Variants in NALF1 observed in about 807,000 individuals in gnomAD.
The protein encoded by NALF1 is NALCN channel auxiliary factor 1.
NALF1 carries 3 observed loss-of-function variants against 48.4 expected under a neutral mutation model. The observed-to-expected ratio is 0.06, with a 90% CI of 0.03 to 0.16. NALF1 has a LOEUF of 0.16. Ranked by LOEUF, NALF1 falls within the 10% of genes least tolerant of loss-of-function variation. The pLI is 1.00. For synonymous variants in NALF1, 262 were observed against 245.7 expected, an observed-to-expected ratio of 1.07 and a Z score of -0.62; for missense variants, 526 against 571.5, an observed-to-expected ratio of 0.92 and a Z score of 0.81.
intron 1 of NALF1, among the ~76,000 whole-genome samples, chr13:107,488,031 T>C (rs1257986468): frequency 2.6e-5 from 4 of 152,082 alleles, no homozygotes; most frequent in Admixed American, 2.6e-4. Flanking sequence ...TATCAAATTC[T>C]TATAGATTTT....
chr13:107,228,642 C>T (rs1381904302), intron 1 of NALF1, among the ~76,000 whole-genome samples: 4 of 152,036 alleles, frequency 2.6e-5, no homozygotes, highest in Non-Finnish European at 5.9e-5. Context: ...TTTTTGGAGA[C>T]AGAGTCTCGC....
intron 1 of NALF1, among the ~76,000 whole-genome samples, chr13:107,428,870 G>A (rs1471537422): frequency 6.6e-6 from 1 of 152,062 alleles, no homozygotes; most frequent in African/African-American, 2.4e-5. Flanking sequence ...ACTATTTGAA[G>A]AACCTTCCAT....
chr13:107,347,626 G>A (rs1380425866), intron 1 of NALF1, among the ~76,000 whole-genome samples: 1 of 152,166 alleles, frequency 6.6e-6, no homozygotes, highest in African/African-American at 2.4e-5. Flanking sequence ...ACTGTGAATC[G>A]ATGATCCTAT....
At chr13:107,759,778 T>G (rs189886827) in intron 1 of NALF1, among the ~76,000 whole-genome samples, 1 of 152,056 alleles carries the variant, frequency 6.6e-6, no homozygotes, top group Non-Finnish European at 1.5e-5. Context: ...CTTTTTTTTT[T>G]TCTGGGACTT....
At chr13:107,384,647 A>G (rs181615451) in intron 1 of NALF1, among the ~76,000 whole-genome samples, 122 of 152,310 alleles carry the variant, frequency 8.0e-4, no homozygotes, top group African/African-American at 2.9e-3. Flanking sequence ...CTAATCAGGC[A>G]CAGATAACAT....
intron 1 of NALF1, among the ~76,000 whole-genome samples, chr13:107,701,598 A>C (rs1881821968): frequency 6.6e-6 from 1 of 152,108 alleles, no homozygotes; most frequent in African/African-American, 2.4e-5. Flanking sequence ...AAATGGGGAG[A>C]TAGATGTGGG....
intron 1 of NALF1, among the ~76,000 whole-genome samples, chr13:107,394,953 T>C (rs140325845): frequency 6.6e-6 from 1 of 152,300 alleles, no homozygotes; most frequent in East Asian, 1.9e-4. Flanking sequence ...GGCCCTCCAA[T>C]GGGGACATCC....
In NALF1 at chr13:107,565,957, A is replaced by G. The variant is rs140076264; in HGVS notation, c.915+299725T>C. Among the ~76,000 whole-genome samples the G allele has an allele frequency of 2.4e-3, 373 of 152,318 alleles. 2 individuals are homozygous for G. Among genetic ancestry groups the G allele is most frequent in the Non-Finnish European group, 4.2e-3 (287 of 68,020 alleles). On this transcript the variant is annotated intron_variant, in intron 1 of 2. Coordinates refer to ENST00000375915, the MANE Select transcript of NALF1 (RefSeq NM_001080396.3). ...GAAACGAAATGTTCCCAGTCCCCAA[A>G]GCAGTGTAACATATCACTGGCTAGA...
chr13:107,262,769 G>GCGCTCTCTCTCTCTCTCT (rs36027059), intron 1 of NALF1, among the ~76,000 whole-genome samples: 5 of 144,018 alleles, frequency 3.5e-5, no homozygotes, highest in South Asian at 2.3e-4. Flanking sequence ...ACCCACAGGC[G>GCGCTCTCTCTCTCTCTCT]CTCTCTCTCT....
At chr13:107,773,710 C>A (rs1429586512) in intron 1 of NALF1, among the ~76,000 whole-genome samples, 2 of 91,918 alleles carry the variant, frequency 2.2e-5, no homozygotes, top group Non-Finnish European at 3.9e-5. Context: ...AGGGGAACAT[C>A]GCACACCAGG....
intron 1 of NALF1, among the ~76,000 whole-genome samples, chr13:107,669,887 T>C (rs1880950795): frequency 6.6e-6 from 1 of 152,084 alleles, no homozygotes; most frequent in African/African-American, 2.4e-5. Flanking sequence ...TCTCTCTGGG[T>C]CACGGAATTA....
intron 1 of NALF1, among the ~76,000 whole-genome samples, chr13:107,724,550 C>CCCTT (rs1876094158): frequency 6.8e-6 from 1 of 147,926 alleles, no homozygotes; most frequent in Non-Finnish European, 1.5e-5. Flanking sequence ...CTCCCTCCCT[C>CCCTT]CCTCCCTTCC....
chr13:107,459,651 A>G (rs1884885061), intron 1 of NALF1, among the ~76,000 whole-genome samples: 1 of 152,252 alleles, frequency 6.6e-6, no homozygotes, highest in African/African-American at 2.4e-5. Context: ...GCCCTGAAGC[A>G]GAGCTTACGT....
At chr13:107,833,673 C>G (rs1879807313) in intron 1 of NALF1, among the ~76,000 whole-genome samples, 1 of 152,098 alleles carries the variant, frequency 6.6e-6, no homozygotes, top group Admixed American at 6.6e-5. Flanking sequence ...CAGATTAAAT[C>G]ATGAGTCAAA....
At chr13:107,221,083 T>C (rs572007509) in intron 1 of NALF1, among the ~76,000 whole-genome samples, 2 of 152,190 alleles carry the variant, frequency 1.3e-5, no homozygotes, top group Admixed American at 1.3e-4. Flanking sequence ...CTATGGGGTA[T>C]GCAAAGGTAC....
In NALF1 at chr13:107,176,687, C is replaced by A. The variant is rs115125675; in HGVS notation, c.1088-5901G>T. On this transcript the variant is annotated intron_variant, in intron 2 of 2. Coordinates refer to ENST00000375915, the MANE Select transcript of NALF1 (RefSeq NM_001080396.3). ...TAATAATACGCATAAATTGTTTAGA[C>A]CAGTGCATGGCAGGTAAGAAAATCT... Among the ~76,000 whole-genome samples the A allele has an allele frequency of 6.5e-3, 982 of 151,692 alleles. 4 individuals carry two copies. The highest frequency in any genetic ancestry group is 9.7e-3 in the Non-Finnish European group (657 of 67,886).
chr13:107,421,318 A>C (rs1261627236), intron 1 of NALF1, among the ~76,000 whole-genome samples: 1 of 152,148 alleles, frequency 6.6e-6, no homozygotes, highest in Non-Finnish European at 1.5e-5. Flanking sequence ...TAACAAAGAG[A>C]ATTTTAACTG....
intron 1 of NALF1, among the ~76,000 whole-genome samples, chr13:107,266,119 G>A (rs540024469): frequency 2.0e-5 from 3 of 152,280 alleles, no homozygotes; most frequent in South Asian, 2.1e-4. Flanking sequence ...TCAGGGCGAC[G>A]TAACATACAA....
chr13:107,666,205 C>T (rs1014032088), intron 1 of NALF1, among the ~76,000 whole-genome samples: 2 of 152,068 alleles, frequency 1.3e-5, no homozygotes, highest in Admixed American at 6.6e-5. Flanking sequence ...CTCATAATAA[C>T]CGGATGTTAT....
Sources: gnomAD v4.1 joint callset for allele counts (sites outside exome capture counted in the v4.1 genomes callset) on GRCh38, gnomAD v4.1.1 for gene constraint, MANE v1.5 for transcripts, NCBI Gene and HGNC (gene_info 2026-07-23, HGNC 2026-07-21) for gene names.